The following MACROD2 variants were observed in gnomAD, a reference collection of about 807,000 sequenced individuals.
MACROD2 encodes the protein mono-ADP ribosylhydrolase 2, also known as ADP-ribose glycohydrolase MACROD2.
A neutral mutation model predicts 70.4 loss-of-function variants in MACROD2; 36 were observed. That is an observed-to-expected ratio of 0.51 (90% CI 0.39 to 0.68). MACROD2 has a LOEUF of 0.68. Among genes scored for constraint, MACROD2 ranks in the 30% least tolerant of loss-of-function variants. The pLI, the probability that MACROD2 is intolerant of heterozygous loss-of-function variation, is 0.00. For synonymous variants in MACROD2, 172 were observed against 178.8 expected, an observed-to-expected ratio of 0.96 and a Z score of 0.30; for missense variants, 496 against 538.4, an observed-to-expected ratio of 0.92 and a Z score of 0.78.
chr20:15,912,238 A>G (rs2065248082), intron 10 of MACROD2, among the ~76,000 whole-genome samples: 1 of 152,190 alleles, frequency 6.6e-6, no homozygotes, highest in Admixed American at 6.5e-5. Flanking sequence ...CCTGATGTTT[A>G]TATATTGGCA....
intron 5 of MACROD2, among the ~76,000 whole-genome samples, chr20:15,134,158 G>GT (rs1314400267): frequency 0.073 from 6 of 82 alleles, no homozygotes; most frequent in African/African-American, 0.18. Flanking sequence ...CTCCCGCCTC[G>GT]CCTCCCAAAG....
At chr20:15,555,393 G>A (rs767847067) in intron 8 of MACROD2, among the ~76,000 whole-genome samples, 3 of 152,050 alleles carry the variant, frequency 2.0e-5, no homozygotes, top group Non-Finnish European at 4.4e-5. Flanking sequence ...ACTAGTTTAC[G>A]GTTTTATCAA....
chr20:15,895,527 C>T (rs1454057536), intron 10 of MACROD2, among the ~76,000 whole-genome samples: 1 of 152,186 alleles, frequency 6.6e-6, no homozygotes, highest in Non-Finnish European at 1.5e-5. Flanking sequence ...GTGCTGAAAC[C>T]CTCCCAACTT....
At chr20:14,631,161 A>T (rs1984486452) in intron 4 of MACROD2, among the ~76,000 whole-genome samples, 1 of 152,216 alleles carries the variant, frequency 6.6e-6, no homozygotes. Context: ...CCAGAATGGA[A>T]TCGCTGTGCC....
At chr20:14,636,967 G>T (rs914603470) in intron 4 of MACROD2, among the ~76,000 whole-genome samples, 1 of 152,132 alleles carries the variant, frequency 6.6e-6, no homozygotes, top group African/African-American at 2.4e-5. Flanking sequence ...AAATAAGAAG[G>T]TCTCCCAAAA....
At chr20:14,166,572 G>A (rs2055272947) in intron 3 of MACROD2, among the ~76,000 whole-genome samples, 1 of 152,092 alleles carries the variant, frequency 6.6e-6, no homozygotes, top group Admixed American at 6.5e-5. Flanking sequence ...ATCAAATTAT[G>A]TAATGTACAT....
At chr20:15,307,057 T>C (rs143186995) in intron 6 of MACROD2, among the ~76,000 whole-genome samples, 3,634 of 152,020 alleles carry the variant, frequency 0.024, 66 homozygotes, top group Non-Finnish European at 0.037. Flanking sequence ...CACAAACTCA[T>C]CCATAAGGCA....
intron 6 of MACROD2, among the ~76,000 whole-genome samples, chr20:15,338,407 C>T (rs376776993): frequency 6.6e-6 from 1 of 151,566 alleles, no homozygotes; most frequent in African/African-American, 2.4e-5. Context: ...TCAAAGTGCC[C>T]TGCTGCCATA....
chr20:15,847,595 G>A (rs2064247984), intron 8 of MACROD2, among the ~76,000 whole-genome samples: 1 of 152,122 alleles, frequency 6.6e-6, no homozygotes, highest in Non-Finnish European at 1.5e-5. Context: ...GCAGAATCGA[G>A]TTTAGAAAAT....
At chr20:15,096,960 C>T (rs539535705) in intron 5 of MACROD2, among the ~76,000 whole-genome samples, 9 of 151,722 alleles carry the variant, frequency 5.9e-5, no homozygotes, top group South Asian at 4.2e-4. Flanking sequence ...TACAGGTGCT[C>T]GCCACCACGC....
At chr20:14,549,513 T>A (rs1978512793) in intron 4 of MACROD2, among the ~76,000 whole-genome samples, 2 of 152,202 alleles carry the variant, frequency 1.3e-5, no homozygotes, top group African/African-American at 4.8e-5. Context: ...TTGATTGTTA[T>A]GATTATTTTA....
At chr20:15,007,532 G>A (rs575819239) in intron 5 of MACROD2, among the ~76,000 whole-genome samples, 23 of 152,254 alleles carry the variant, frequency 1.5e-4, no homozygotes, top group African/African-American at 4.3e-4. Flanking sequence ...TCTAACTGGT[G>A]GACTATGTCA....
chr20:14,228,655 C>T (rs1417908764), intron 3 of MACROD2, among the ~76,000 whole-genome samples: 1 of 151,892 alleles, frequency 6.6e-6, no homozygotes, highest in Non-Finnish European at 1.5e-5. Flanking sequence ...AACGTATAGT[C>T]CTTGATTTAG....
chr20:15,503,740 G>A (rs2047392427), intron 8 of MACROD2, among the ~76,000 whole-genome samples: 1 of 152,096 alleles, frequency 6.6e-6, no homozygotes, highest in Admixed American at 6.5e-5. Context: ...CATCATGACT[G>A]TGTCTGTCCA....
chr20:15,689,305 A>C (rs2050268951), intron 8 of MACROD2, among the ~76,000 whole-genome samples: 1 of 139,498 alleles, frequency 7.2e-6, no homozygotes, highest in Non-Finnish European at 1.6e-5. Context: ...ATTCCGTCTC[A>C]AAAAAAAAAA....
chr20:15,021,804 T>C (rs189914974), intron 5 of MACROD2: 249 of 152,222 alleles, frequency 1.6e-3, no homozygotes, highest in African/African-American at 5.8e-3. Flanking sequence ...CATAGAGCTA[T>C]GTAACATGAA....
Position 15,027,553 on chromosome 20 carries a change from GT to G in MACROD2, c.419-202386del, listed in dbSNP as rs748850070. Among the ~76,000 whole-genome samples, 118 of 136,398 alleles carry G rather than the reference GT, an allele frequency of 8.7e-4. 1 individual carries two copies. The highest frequency in any genetic ancestry group is 2.0e-3 in the African/African-American group (80 of 40,502). The allele number at this position is 136,398 out of a possible 152,430, so 89.5% of individuals were successfully genotyped here. On this transcript the variant is annotated intron_variant, in intron 5 of 17. Coordinates refer to ENST00000684519, the MANE Select transcript of MACROD2 (RefSeq NM_001351661.2). ...AAATGTGGTGGTAGTGATGGTGGTG[GT>G]GGTGGGGGGAAATAATATCTATTTG... is the stretch of plus-strand genomic sequence containing the variant.
chr20:14,767,643 T>C (rs1326927545), intron 5 of MACROD2, among the ~76,000 whole-genome samples: 1 of 151,984 alleles, frequency 6.6e-6, no homozygotes, highest in East Asian at 1.9e-4. Context: ...TCTTTCTTTT[T>C]TTTAAAAAAA....
rs59052053 is a variant in MACROD2, at chr20:14,071,252, G to GTTTTTTTTTTTTTTTTTTTTTTTTTT, written c.164-14368_164-14343dup. On this transcript the variant is annotated intron_variant, in intron 2 of 17. Coordinates refer to ENST00000684519, the MANE Select transcript of MACROD2 (RefSeq NM_001351661.2). Reference sequence around the variant, plus strand: ...GACAGTATTGGCCATTTCATCTTGTGTTTTTTTTTTTTTTTTTTTTTTTTT... The same window carrying GTTTTTTTTTTTTTTTTTTTTTTTTTT: ...GACAGTATTGGCCATTTCATCTTGTGTTTTTTTTTTTTTTTTTTTTTTTTTTTTTTTTTTTTTTTTTTTTTTTTTTT... 4.7e-5 allele frequency among the ~76,000 whole-genome samples: 3 copies of GTTTTTTTTTTTTTTTTTTTTTTTTTT among 63,936 alleles called. 1 individual carries two copies. The highest frequency in any genetic ancestry group is 1.3e-4 in the African/African-American group (2 of 15,778). 41.9% of individuals were successfully genotyped at this position (63,936 alleles called of 152,430 possible).
Sources: allele counts gnomAD v4.1 joint callset (sites outside exome capture counted in the v4.1 genomes callset), GRCh38; gene constraint gnomAD v4.1.1; transcripts MANE v1.5; gene names NCBI Gene and HGNC (gene_info 2026-07-23, HGNC 2026-07-21).